Variants in ASB5 observed in about 807,000 individuals in gnomAD.
ASB5 encodes the protein ankyrin repeat and SOCS box protein 5.
A neutral mutation model predicts 42.1 loss-of-function variants in ASB5; 45 were observed. The ratio of observed to expected loss-of-function variants is 1.07; its 90% confidence interval spans 0.84 to 1.37. ASB5 has a LOEUF of 1.37. ASB5 is among the 40% of genes most tolerant of loss of function. The pLI, the probability that ASB5 is intolerant of heterozygous loss-of-function variation, is 0.00. For synonymous variants in ASB5, 147 were observed against 150.6 expected, an observed-to-expected ratio of 0.98 and a Z score of 0.18; for missense variants, 402 against 399.8, an observed-to-expected ratio of 1.01 and a Z score of -0.05.
chr4:176,235,359 T>G (rs1753659292), intron 1 of ASB5, among the ~76,000 whole-genome samples: 1 of 152,154 alleles, frequency 6.6e-6, no homozygotes, highest in Non-Finnish European at 1.5e-5. Context: ...ATTATAAACA[T>G]TTTAGGGTGT....
intron 1 of ASB5, among the ~76,000 whole-genome samples, chr4:176,246,791 A>G (rs1315981411): frequency 6.6e-6 from 1 of 152,226 alleles, no homozygotes; most frequent in Non-Finnish European, 1.5e-5. Flanking sequence ...GAAAAACAAA[A>G]ATGAACACTC....
At chr4:176,254,907 G>A (rs557932113) in intron 1 of ASB5, among the ~76,000 whole-genome samples, 14 of 152,268 alleles carry the variant, frequency 9.2e-5, no homozygotes, top group African/African-American at 3.4e-4. Flanking sequence ...CGAGGCGAGT[G>A]GATCACGAGG....
intron 1 of ASB5, among the ~76,000 whole-genome samples, chr4:176,257,615 AT>A (rs1464270783): frequency 6.6e-6 from 1 of 152,162 alleles, no homozygotes; most frequent in Non-Finnish European, 1.5e-5. Flanking sequence ...TAAATGGCTT[AT>A]TTTTGGCAAG....
At chr4:176,245,657 T>A (rs1017756794) in intron 1 of ASB5, among the ~76,000 whole-genome samples, 13 of 152,078 alleles carry the variant, frequency 8.5e-5, no homozygotes, top group Non-Finnish European at 1.9e-4. Flanking sequence ...CAAATGTCCA[T>A]CAATGACAGA....
At chr4:176,276,704 A>G (rs1249961220) in intron 1 of ASB5, among the ~76,000 whole-genome samples, 1 of 152,330 alleles carries the variant, frequency 6.6e-6, no homozygotes, top group African/African-American at 2.4e-5. Context: ...AGGCTCTGGA[A>G]CTGGGAACTC....
chr4:176,214,533 A>G lies in ASB5; in HGVS notation c.*1067T>C, dbSNP rs1288508883. On this transcript the variant is annotated 3_prime_UTR_variant, in exon 7 of 7. Coordinates refer to ENST00000296525, the MANE Select transcript of ASB5 (RefSeq NM_080874.4). ...TTCTTTTATACAATACTCTCTTGCT[A>G]TTACTTGCAAATACAGTATACTCTA... The G allele has an allele frequency of 5.3e-5, 8 of 152,290 alleles. 1 individual carries two copies. The South Asian group carries it at 8.3e-4, about 16-fold the overall frequency. The allele number at this position is 152,290 out of a possible 1,614,324, so 9.4% of individuals were successfully genotyped here. A position where few individuals can be genotyped will look rare whatever the true frequency, so the allele number is the denominator to read the frequency against.
chr4:176,221,478 T>C lies in ASB5; in HGVS notation c.507A>G (p.Pro169=), dbSNP rs138302221. Reference sequence around the variant, plus strand: ...TACTGGCGGCCTCATGCGTTGGGGATGGAAGACATGACTCCAGCTGGGCTT... The same window carrying C: ...TACTGGCGGCCTCATGCGTTGGGGACGGAAGACATGACTCCAGCTGGGCTT... The part of the protein sequence containing the change: ...GAKAQLESCL[P]SPTHEAASKG... Residue 169 remains proline (P), a synonymous_variant, in exon 4 of 7, where the codon CCA becomes CCG. Transcript: ENST00000296525. The C allele has an allele frequency of 1.9e-6, 3 of 1,614,020 alleles. No individual in the cohort carries two copies. Among genetic ancestry groups the C allele is most frequent in the East Asian group, 2.2e-5 (1 of 44,902 alleles).
chr4:176,215,845 T>C lies in ASB5; in HGVS notation c.863-118A>G, dbSNP rs1437967047. The C allele has an allele frequency of 1.1e-5, 10 of 926,248 alleles. No individual in the cohort carries two copies. The African/African-American group carries it at 1.2e-4, about 11-fold the overall frequency. The allele number at this position is 926,248 out of a possible 1,614,324, so 57.4% of individuals were successfully genotyped here. ...GCTTTGTAGTAAACCTAGGATAGCA[T>C]GACCACTATACTAGGGAAATTTATG... On this transcript the variant is annotated intron_variant, in intron 6 of 6. Transcript: ENST00000296525.
rs1021218251 is a variant in ASB5 at position 176,228,102 on chromosome 4, G to A, written c.197-2761C>T. Among the ~76,000 whole-genome samples, 5 of 152,168 alleles carry A rather than the reference G, an allele frequency of 3.3e-5. No homozygotes were observed. In the East Asian group the frequency reaches 5.8e-4, roughly 18 times the overall value. Reference sequence around the variant, plus strand: ...GGGAGGCAAAGGCTAACTATGATTCGAAGTTTTAGCAAGATCTTTTTAATT... The same window carrying A: ...GGGAGGCAAAGGCTAACTATGATTCAAAGTTTTAGCAAGATCTTTTTAATT... On this transcript the variant is annotated intron_variant, in intron 1 of 6. Transcript: ENST00000296525.
At chr4:176,270,756 T>G (rs1003640806), upstream of ASB5, among the ~76,000 whole-genome samples, 2 of 152,106 alleles carry the variant, frequency 1.3e-5, no homozygotes, top group Non-Finnish European at 2.9e-5. Context: ...GTCAGTTGAG[T>G]CAATACATGC....
At chr4:176,254,536 G>T in intron 1 of ASB5, among the ~76,000 whole-genome samples, 1 of 83,250 alleles carries the variant, frequency 1.2e-5, no homozygotes, top group African/African-American at 3.8e-5. Context: ...AAAAGCAATT[G>T]CAAAAAAAAA....
intron 1 of ASB5, among the ~76,000 whole-genome samples, chr4:176,262,986 T>C (rs1754291123): frequency 6.6e-6 from 1 of 152,204 alleles, no homozygotes; most frequent in Non-Finnish European, 1.5e-5. Context: ...CATGTGGAAA[T>C]TTGATCCTCA....
At chr4:176,237,404 A>AT in intron 1 of ASB5, 7 of 985,906 alleles carry the variant, frequency 7.1e-6, no homozygotes, top group Non-Finnish European at 8.4e-6. Flanking sequence ...TTCAACAGCA[A>AT]TATCTGCGGA....
At chr4:176,227,773 C>A (rs1399971997) in intron 1 of ASB5, among the ~76,000 whole-genome samples, 1 of 152,156 alleles carries the variant, frequency 6.6e-6, no homozygotes, top group African/African-American at 2.4e-5. Flanking sequence ...TGAGAGATAG[C>A]AATCCTATCT....
chr4:176,260,941 C>T (rs1175632814), intron 1 of ASB5, among the ~76,000 whole-genome samples: 2 of 152,210 alleles, frequency 1.3e-5, no homozygotes, highest in African/African-American at 4.8e-5. Context: ...TCCCATAGTG[C>T]TGGGGTTACA....
At chr4:176,233,706 A>G (rs946067523) in intron 1 of ASB5, among the ~76,000 whole-genome samples, 71 of 152,220 alleles carry the variant, frequency 4.7e-4, no homozygotes, top group African/African-American at 1.7e-3. Flanking sequence ...ATCCAAGCTC[A>G]GTCTTTGCAT....
chr4:176,273,868 T>C (rs993268310), upstream of ASB5, among the ~76,000 whole-genome samples: 1 of 152,250 alleles, frequency 6.6e-6, no homozygotes, highest in African/African-American at 2.4e-5. Flanking sequence ...CCAAGAAATT[T>C]TCTACACAGT....
intron 1 of ASB5, among the ~76,000 whole-genome samples, chr4:176,260,226 T>C (rs997401620): frequency 3.3e-5 from 5 of 152,168 alleles, no homozygotes; most frequent in African/African-American, 9.6e-5. Flanking sequence ...AGGGGACCCA[T>C]GGGGACCTTG....
At chr4:176,218,523 A>T (rs1753056234) in intron 5 of ASB5, among the ~76,000 whole-genome samples, 1 of 115,184 alleles carries the variant, frequency 8.7e-6, no homozygotes, top group African/African-American at 3.4e-5. Context: ...ATATATTTGT[A>T]TGATATATAA....
Sources: allele counts gnomAD v4.1 joint callset (sites outside exome capture counted in the v4.1 genomes callset), GRCh38; gene constraint gnomAD v4.1.1; transcripts MANE v1.5; gene names NCBI Gene and HGNC (gene_info 2026-07-23, HGNC 2026-07-21).